Variants in FRMPD4 observed in about 807,000 individuals in gnomAD.
The protein encoded by FRMPD4 is FERM and PDZ domain containing 4, also known as FERM and PDZ domain-containing protein 4.
In FRMPD4, 22 loss-of-function variants were observed where a neutral mutation model predicts 94.1. The ratio of observed to expected loss-of-function variants is 0.23; its 90% CI spans 0.17 to 0.33. The LOEUF is 0.33. FRMPD4 is among the 10% of genes least tolerant of loss of function. The probability of loss-of-function intolerance (pLI) is 1.00; values close to 1 mark genes in which losing one functional copy is unlikely to be tolerated. For missense variants in FRMPD4, 1,111 were observed against 1,339.9 expected (o/e 0.83, Z 2.67); for synonymous variants, 631 against 548.6 (o/e 1.15, Z -2.10).
intron 3 of FRMPD4, among the ~76,000 whole-genome samples, chrX:12,057,239 C>G (rs970645427): frequency 9.0e-6 from 1 of 111,682 alleles, no homozygotes; most frequent in African/African-American, 3.2e-5. Context: ...GAATTGAAAT[C>G]ACAATTACTA....
chrX:12,412,070 C>G (rs2056740157), intron 1 of FRMPD4, among the ~76,000 whole-genome samples: 1 of 112,226 alleles, frequency 8.9e-6, no homozygotes, highest in Non-Finnish European at 1.9e-5. Flanking sequence ...CCACTTCAGC[C>G]TAATCATGTG....
chrX:11,876,841 A>T (rs981858699), intron 2 of FRMPD4, among the ~76,000 whole-genome samples: 3 of 112,441 alleles, frequency 2.7e-5, no homozygotes, highest in African/African-American at 9.7e-5. Context: ...ATGGGTCTAT[A>T]GCAGTGGTTT....
Position 12,118,630 on chromosome X carries a change from C to T in FRMPD4, c.95+240612C>T, listed in dbSNP as rs375154346. Among the ~76,000 whole-genome samples the T allele has an allele frequency of 3.4e-3, 378 of 111,848 alleles. 1 individual carries two copies. Among genetic ancestry groups the T allele is most frequent in the South Asian group, 6.4e-3 (17 of 2,645 alleles). Reference sequence around the variant, plus strand: ...CAATGTCCAGGGCTGTCAGACTTGGCTCATCCTGCCTCCCACACCTGTGCC... The same window carrying T: ...CAATGTCCAGGGCTGTCAGACTTGGTTCATCCTGCCTCCCACACCTGTGCC... On this transcript the variant is annotated intron_variant, in intron 3 of 18. Coordinates refer to the FRMPD4 transcript ENST00000640291.
Position 12,367,079 on chromosome X carries a change from G to A in FRMPD4, c.42-131601G>A, listed in dbSNP as rs148585536. The stretch of plus-strand genomic sequence containing the variant: ...ACCAAGCCTTTGCTTTTCCTGGTCC[G>A]TGGCTTGTACTTGCCTGGGAGCAGG... On this transcript the variant is annotated intron_variant, in intron 1 of 16. Transcript: ENST00000675598. Among the ~76,000 whole-genome samples the A allele has an allele frequency of 3.9e-3, 433 of 112,075 alleles. 1 individual carries two copies. Among genetic ancestry groups the A allele is most frequent in the Middle Eastern group, 9.2e-3 (2 of 218 alleles).
At chrX:11,915,757 A>G (rs2054021454) in intron 3 of FRMPD4, among the ~76,000 whole-genome samples, 1 of 112,126 alleles carries the variant, frequency 8.9e-6, no homozygotes, top group Non-Finnish European at 1.9e-5. Context: ...CTCTGGAGTC[A>G]GACTGATTGG....
intron 3 of FRMPD4, among the ~76,000 whole-genome samples, chrX:11,955,728 C>T (rs1411834665): frequency 1.1e-5 from 1 of 93,625 alleles, no homozygotes; most frequent in African/African-American, 4.1e-5. Flanking sequence ...GGCGACAGAG[C>T]AAGACTCCGT....
chrX:12,669,811 C>G (rs1036699967), intron 4 of FRMPD4, among the ~76,000 whole-genome samples: 1 of 112,108 alleles, frequency 8.9e-6, no homozygotes, highest in Non-Finnish European at 1.9e-5. Flanking sequence ...GTTGAAAAGT[C>G]TTTAGAATGA....
chrX:12,603,150 A>T (rs2059099856), intron 2 of FRMPD4, among the ~76,000 whole-genome samples: 1 of 112,021 alleles, frequency 8.9e-6, no homozygotes, highest in Non-Finnish European at 1.9e-5. Flanking sequence ...CCTTAGGCAC[A>T]AAAATGTTTA....
chrX:12,539,001 G>A (rs963380331), intron 2 of FRMPD4, among the ~76,000 whole-genome samples: 1 of 111,853 alleles, frequency 8.9e-6, no homozygotes, highest in African/African-American at 3.2e-5. Context: ...GCTAAAGGAG[G>A]AAGTTCAAAC....
At chrX:12,699,836 T>C (rs1438309389) in intron 9 of FRMPD4, among the ~76,000 whole-genome samples, 1 of 112,412 alleles carries the variant, frequency 8.9e-6, no homozygotes, top group Non-Finnish European at 1.9e-5. Flanking sequence ...CAACAAAGTA[T>C]GGATAGCCAT....
intron 3 of FRMPD4, among the ~76,000 whole-genome samples, chrX:11,913,544 G>A (rs2054007868): frequency 9.0e-6 from 1 of 111,698 alleles, no homozygotes; most frequent in Admixed American, 9.5e-5. Context: ...GCTCCTCTGT[G>A]GAAATTTAAG....
At chrX:12,162,539 G>C (rs2056042470) in intron 1 of FRMPD4, among the ~76,000 whole-genome samples, 1 of 111,791 alleles carries the variant, frequency 8.9e-6, no homozygotes, top group Non-Finnish European at 1.9e-5. Context: ...TTTTTTTATT[G>C]GTAACTTGCT....
intron 2 of FRMPD4, among the ~76,000 whole-genome samples, chrX:12,588,220 C>T (rs1440799782): frequency 8.9e-6 from 1 of 112,055 alleles, no homozygotes; most frequent in Non-Finnish European, 1.9e-5. Context: ...CGAACCCTGA[C>T]CTCCAGTGAT....
At chrX:11,830,537 A>G (rs1403754725) in intron 1 of FRMPD4, among the ~76,000 whole-genome samples, 1 of 112,010 alleles carries the variant, frequency 8.9e-6, no homozygotes, top group Non-Finnish European at 1.9e-5. Flanking sequence ...TCTGAGTTTG[A>G]TGTTGCCATT....
At chrX:12,041,608 TTGAC>T (rs1490515357) in intron 3 of FRMPD4, among the ~76,000 whole-genome samples, 3 of 111,161 alleles carry the variant, frequency 2.7e-5, no homozygotes, top group Non-Finnish European at 5.7e-5. Context: ...TTTTAGCAGT[TTGAC>T]TATCATCTGT....
At chrX:12,362,341 T>C (rs1176602948) in intron 1 of FRMPD4, among the ~76,000 whole-genome samples, 2 of 111,030 alleles carry the variant, frequency 1.8e-5, no homozygotes, top group African/African-American at 6.6e-5. Context: ...TATCTCCTAA[T>C]GTTATCCCTC....
chrX:12,303,424 T>C (rs967982273), intron 1 of FRMPD4, among the ~76,000 whole-genome samples: 1 of 111,625 alleles, frequency 9.0e-6, no homozygotes, highest in Non-Finnish European at 1.9e-5. Context: ...AAATGATAGG[T>C]TTGGTTTATT....
intron 1 of FRMPD4, among the ~76,000 whole-genome samples, chrX:12,400,620 G>C (rs1365169625): frequency 8.9e-6 from 1 of 111,949 alleles, no homozygotes; most frequent in Non-Finnish European, 1.9e-5. Flanking sequence ...ACCTAGGATG[G>C]ATGCCAAGCT....
intron 3 of FRMPD4, among the ~76,000 whole-genome samples, chrX:12,080,919 G>T (rs1237601529): frequency 1.8e-5 from 2 of 112,045 alleles, no homozygotes; most frequent in Non-Finnish European, 3.8e-5. Flanking sequence ...CCCAAAATGT[G>T]CCAGACTTAA....
Sources: allele counts gnomAD v4.1 joint callset (sites outside exome capture counted in the v4.1 genomes callset), GRCh38; gene constraint gnomAD v4.1.1; transcripts MANE v1.5; gene names NCBI Gene and HGNC (gene_info 2026-07-23, HGNC 2026-07-21).